PRKG1: variants seen among roughly 807,000 people sequenced by gnomAD.
PRKG1 encodes the protein cGMP-dependent protein kinase 1.
In PRKG1, 35 loss-of-function variants were observed where a neutral mutation model predicts 88.1. That is an observed-to-expected ratio of 0.40 (90% CI 0.30 to 0.53). The LOEUF is 0.53. Ranked by LOEUF, PRKG1 falls within the 20% of genes least tolerant of loss-of-function variation. The probability of loss-of-function intolerance (pLI) is 0.59; values close to 1 mark genes in which losing one functional copy is unlikely to be tolerated. For synonymous variants in PRKG1, 303 were observed against 292.5 expected (o/e 1.04, Z -0.37); for missense variants, 540 against 839.8 (o/e 0.64, Z 4.41).
intron 3 of PRKG1, among the ~76,000 whole-genome samples, chr10:51,570,915 T>G (rs117194355): frequency 0.055 from 8,366 of 152,072 alleles, 354 homozygotes; most frequent in Middle Eastern, 0.088. Context: ...AAAATGTGTT[T>G]CCTGAAGCTT....
At chr10:51,105,941 C>T (rs1271284292) in intron 1 of PRKG1, among the ~76,000 whole-genome samples, 1 of 152,130 alleles carries the variant, frequency 6.6e-6, no homozygotes, top group Admixed American at 6.5e-5. Flanking sequence ...CAATTCAATT[C>T]AATAAGTAGT....
At chr10:51,798,873 T>C (rs2132599395) in intron 3 of PRKG1, among the ~76,000 whole-genome samples, 1 of 152,264 alleles carries the variant, frequency 6.6e-6, no homozygotes, top group East Asian at 1.9e-4. Context: ...GTCTGCACTT[T>C]TGAATAATAT....
At chr10:51,377,949 T>C (rs1424313232) in intron 2 of PRKG1, among the ~76,000 whole-genome samples, 3 of 152,238 alleles carry the variant, frequency 2.0e-5, no homozygotes, top group Admixed American at 1.3e-4. Flanking sequence ...CTCCTGGCTC[T>C]GGCCTAACCA....
intron 5 of PRKG1, among the ~76,000 whole-genome samples, chr10:51,985,070 A>G (rs1049997763): frequency 6.6e-6 from 1 of 152,168 alleles, no homozygotes; most frequent in African/African-American, 2.4e-5. Context: ...ATTTTTAGGC[A>G]ATAGTTCATT....
At chr10:52,092,757 T>G (rs1446383756) in intron 7 of PRKG1, among the ~76,000 whole-genome samples, 1 of 152,226 alleles carries the variant, frequency 6.6e-6, no homozygotes, top group East Asian at 1.9e-4. Flanking sequence ...AAATGATGTT[T>G]TAAACCAAAT....
chr10:51,670,756 ATAAATAAATAAAT>A (rs1840551300), intron 3 of PRKG1, among the ~76,000 whole-genome samples: 1 of 107,196 alleles, frequency 9.3e-6, no homozygotes, highest in African/African-American at 3.4e-5. Flanking sequence ...AAATAAATAA[ATAAATAAATAAAT>A]AAATAAATAA....
chr10:51,890,198 C>T (rs185765209), intron 4 of PRKG1, among the ~76,000 whole-genome samples: 63 of 152,240 alleles, frequency 4.1e-4, no homozygotes, highest in Non-Finnish European at 5.7e-4. Flanking sequence ...TTAGGTCTAA[C>T]GTTTAAGTCT....
intron 1 of PRKG1, among the ~76,000 whole-genome samples, chr10:51,111,761 G>A (rs1480532536): frequency 6.6e-6 from 1 of 152,148 alleles, no homozygotes; most frequent in Non-Finnish European, 1.5e-5. Context: ...TATTTACAAA[G>A]CTCTCTGATG....
In PRKG1 at chr10:52,269,458, C is replaced by T. The variant is rs144626955; in HGVS notation, c.1174-1892C>T. On this transcript the variant is annotated intron_variant, in intron 10 of 17. Coordinates refer to ENST00000373980, the MANE Select transcript of PRKG1 (RefSeq NM_006258.4). Reference sequence around the variant, plus strand: ...CTGATTCACAATTGCTGGCAGCTAACCGAGGCCCATTTATTTGCAGTATCT... The same window carrying T: ...CTGATTCACAATTGCTGGCAGCTAATCGAGGCCCATTTATTTGCAGTATCT... 5.9e-5 allele frequency among the ~76,000 whole-genome samples: 9 copies of T among 152,196 alleles called. No individual in the cohort carries two copies. The East Asian group carries it at 1.7e-3, about 30-fold the overall frequency.
At chr10:52,013,996 T>C (rs556004579) in intron 5 of PRKG1, among the ~76,000 whole-genome samples, 1 of 152,222 alleles carries the variant, frequency 6.6e-6, no homozygotes, top group South Asian at 2.1e-4. Context: ...TTTCCTTAGT[T>C]ACTCCCAATT....
intron 2 of PRKG1, among the ~76,000 whole-genome samples, chr10:51,283,058 A>T (rs1840342049): frequency 6.6e-6 from 1 of 152,050 alleles, no homozygotes; most frequent in African/African-American, 2.4e-5. Flanking sequence ...CTTACACATG[A>T]CCCATATTAT....
intron 3 of PRKG1, among the ~76,000 whole-genome samples, chr10:51,481,547 C>T (rs745582431): frequency 1.3e-5 from 2 of 152,074 alleles, no homozygotes; most frequent in Non-Finnish European, 2.9e-5. Flanking sequence ...CCATGCCCGG[C>T]CAGACTCTTT....
intron 5 of PRKG1, among the ~76,000 whole-genome samples, chr10:52,020,012 T>C (rs190792741): frequency 4.3e-4 from 65 of 152,210 alleles, no homozygotes; most frequent in Non-Finnish European, 7.5e-4. Context: ...TAATATATTG[T>C]ATTTACTCAC....
intron 4 of PRKG1, among the ~76,000 whole-genome samples, chr10:51,875,211 A>G (rs1222361329): frequency 6.6e-6 from 1 of 152,120 alleles, no homozygotes; most frequent in Non-Finnish European, 1.5e-5. Flanking sequence ...TGTTGAATGC[A>G]TTTGTGAGAT....
chr10:51,538,205 A>G (rs1194138064), intron 3 of PRKG1, among the ~76,000 whole-genome samples: 2 of 152,014 alleles, frequency 1.3e-5, no homozygotes, highest in Non-Finnish European at 1.5e-5. Context: ...TCATGTGCAT[A>G]ATTTCAACAA....
chr10:51,551,565 T>C (rs1219033240), intron 3 of PRKG1, among the ~76,000 whole-genome samples: 1 of 151,780 alleles, frequency 6.6e-6, no homozygotes, highest in Non-Finnish European at 1.5e-5. Context: ...CAGGAAGGAA[T>C]TTTTCTATTT....
intron 1 of PRKG1, among the ~76,000 whole-genome samples, chr10:51,124,805 T>C (rs1282214581): frequency 6.6e-6 from 1 of 152,202 alleles, no homozygotes; most frequent in Admixed American, 6.5e-5. Flanking sequence ...TGCTCTTTAG[T>C]TACCCATCCA....
chr10:51,098,701 T>C (rs188061152), intron 1 of PRKG1, among the ~76,000 whole-genome samples: 6 of 152,320 alleles, frequency 3.9e-5, no homozygotes, highest in Admixed American at 2.0e-4. Flanking sequence ...CTTTTTGAAA[T>C]TGTCAAGCTG....
At chr10:51,723,621 A>AGAAAAAG (rs147852160) in intron 3 of PRKG1, among the ~76,000 whole-genome samples, 4,026 of 150,946 alleles carry the variant, frequency 0.027, 48 homozygotes, top group Middle Eastern at 0.038. Context: ...GCATGACAAA[A>AGAAAAAG]AAAAAGAAAA....
Sources: gnomAD v4.1 joint callset for allele counts (sites outside exome capture counted in the v4.1 genomes callset) on GRCh38, gnomAD v4.1.1 for gene constraint, MANE v1.5 for transcripts, NCBI Gene and HGNC (gene_info 2026-07-23, HGNC 2026-07-21) for gene names.